Variants in DSG2 observed in about 807,000 individuals in gnomAD.
The protein encoded by DSG2 is desmoglein 2, also known as desmoglein-2.
DSG2 carries 45 observed loss-of-function variants against 75.6 expected under a neutral mutation model. The observed-to-expected ratio is 0.60, with a 90% confidence interval of 0.47 to 0.76. DSG2 has a LOEUF of 0.76. DSG2 is among the 30% of genes least tolerant of loss of function. The pLI is 0.00. For missense variants in DSG2, 1,267 were observed against 1,357.4 expected (o/e 0.93, Z 1.05); for synonymous variants, 429 against 483.9 (o/e 0.89, Z 1.49).
rs375218383 is a variant in DSG2 at position 31,524,443 on chromosome 18, T to A, written c.691-5T>A. ...CCCAGCTGGACATTTTTCATTGCTCTGCAGGAACACAGCAGCTACACTTTG... is the reference window on the plus strand; with the variant it reads ...CCCAGCTGGACATTTTTCATTGCTCAGCAGGAACACAGCAGCTACACTTTG... On this transcript the variant is annotated splice_region_variant and splice_polypyrimidine_tract_variant and intron_variant, in intron 6 of 14. Transcript: ENST00000261590. 2.4e-5 allele frequency: 39 copies of A among 1,614,044 alleles called. No homozygotes were observed. Among genetic ancestry groups the A allele is most frequent in the Non-Finnish European group, 3.3e-5 (39 of 1,180,012 alleles).
chr18:31,508,607 T>G (rs1205183219), intron 1 of DSG2, among the ~76,000 whole-genome samples: 1 of 152,056 alleles, frequency 6.6e-6, no homozygotes, highest in African/African-American at 2.4e-5. Flanking sequence ...TTGGCCAGGT[T>G]AGTCTTGAAC....
intron 9 of DSG2, among the ~76,000 whole-genome samples, chr18:31,534,554 A>G (rs903191444): frequency 1.3e-4 from 16 of 122,714 alleles, no homozygotes; most frequent in African/African-American, 4.7e-4. Context: ...TCTGTCACCC[A>G]GGCTAGAGTG....
chr18:31,523,760 G>A (rs1016846300), intron 6 of DSG2, among the ~76,000 whole-genome samples: 9 of 152,200 alleles, frequency 5.9e-5, no homozygotes, highest in African/African-American at 1.7e-4. Flanking sequence ...TAAAGAACCC[G>A]AAGGTCAAAG....
At chr18:31,530,585 T>C (rs1192732516) in intron 8 of DSG2, among the ~76,000 whole-genome samples, 1 of 152,046 alleles carries the variant, frequency 6.6e-6, no homozygotes, top group Non-Finnish European at 1.5e-5. Flanking sequence ...GCACAGCTAA[T>C]TTTTGTATTT....
Position 31,546,667 on chromosome 18 carries a change from G to A in DSG2, c.3281G>A (p.Gly1094Asp), listed in dbSNP as rs144313973. 3.1e-6 allele frequency: 5 copies of A among 1,614,176 alleles called. No individual in the cohort carries two copies. Among genetic ancestry groups the A allele is most frequent in the Non-Finnish European group, 4.2e-6 (5 of 1,180,036 alleles). Residue 1094 changes from glycine (G) to aspartate (D), a missense_variant, in exon 15 of 15, where the codon GGT becomes GAT. Gly to Asp is a moderately conservative substitution (Grantham distance 94). Transcript: ENST00000261590. The stretch of plus-strand genomic sequence containing the variant: ...CCAGATTTTGGTTTAGAGGAATCTG[G>A]TCATTCTAATTCTACCATAACCACA... ...PLPDFGLEESGHSNSTITTSS... is the reference protein window; with the variant it reads ...PLPDFGLEESDHSNSTITTSS...
Position 31,546,417 on chromosome 18 carries a change from G to A in DSG2, c.3031G>A (p.Val1011Ile). The change falls in exon 15 of 15, where the codon GTA becomes ATA. Residue 1011 changes from valine (V) to isoleucine (I), a missense_variant. Transcript: ENST00000261590. Reference protein sequence around the residue: ...PLEGTQHLQDVPYVMVRERES... With the variant: ...PLEGTQHLQDIPYVMVRERES... ...GGAAGGCACTCAGCATCTTCAAGAT[G>A]TACCTTACGTCATGGTGAGGGAAAG... The A allele has an allele frequency of 6.2e-7, 1 of 1,614,208 alleles. No individual in the cohort carries two copies.
chr18:31,513,191 G>A lies in DSG2; in HGVS notation c.46-5048G>A, dbSNP rs1000360589. Among the ~76,000 whole-genome samples, 12 of 152,326 alleles carry A rather than the reference G, an allele frequency of 7.9e-5. 1 individual carries two copies. In the East Asian group the frequency reaches 2.3e-3, roughly 29 times the overall value. Reference sequence around the variant, plus strand: ...TCAATCGTAAGAAAAAGTTTAGAGAGAGAGTTGGTCCAAATTTGAACGATT... The same window carrying A: ...TCAATCGTAAGAAAAAGTTTAGAGAAAGAGTTGGTCCAAATTTGAACGATT... On this transcript the variant is annotated intron_variant, in intron 1 of 14. Transcript: ENST00000261590.
chr18:31,544,922 C>T (rs1043024838), intron 14 of DSG2, among the ~76,000 whole-genome samples: 1 of 152,138 alleles, frequency 6.6e-6, no homozygotes, highest in African/African-American at 2.4e-5. Flanking sequence ...TTCTGTCCCC[C>T]TCTTCTAAAT....
intron 9 of DSG2, among the ~76,000 whole-genome samples, chr18:31,532,054 G>A (rs756988195): frequency 1.3e-5 from 2 of 152,218 alleles, no homozygotes; most frequent in Admixed American, 6.5e-5. Flanking sequence ...TGCCAGAGCT[G>A]CCTGGTTGCT....
At chr18:31,509,930 T>C (rs889936908) in intron 1 of DSG2, among the ~76,000 whole-genome samples, 14 of 152,246 alleles carry the variant, frequency 9.2e-5, no homozygotes, top group Non-Finnish European at 1.8e-4. Context: ...TTTATTTCTT[T>C]CAGATTATTT....
chr18:31,528,691 CAG>C (rs1193029507), intron 8 of DSG2, among the ~76,000 whole-genome samples: 1 of 133,918 alleles, frequency 7.5e-6, no homozygotes, highest in African/African-American at 2.8e-5. Context: ...GCCTAAGAGA[CAG>C]AGCAAGACTC....
intron 9 of DSG2, 42 bp from the exon 10 acceptor site, chr18:31,535,228 C>T: frequency 7.3e-7 from 1 of 1,365,206 alleles, no homozygotes; most frequent in African/African-American, 1.4e-5. Context: ...GTTTCCAATT[C>T]ATGCAGAATT....
rs140787889 is a variant in DSG2 at position 31,503,857 on chromosome 18, G to A, written c.45+5561G>A. On this transcript the variant is annotated intron_variant, in intron 1 of 14. Coordinates refer to ENST00000261590, the MANE Select transcript of DSG2 (RefSeq NM_001943.5). The stretch of plus-strand genomic sequence containing the variant: ...GTCACAGTGCCTGAGGATGCCCCTG[G>A]TATTTAGTTCCCAAGGTCCAGGGAT... Among the ~76,000 whole-genome samples the A allele has an allele frequency of 2.9e-3, 434 of 152,216 alleles. 1 individual carries two copies. The highest frequency in any genetic ancestry group is 0.01 in the African/African-American group (418 of 41,538).
Position 31,546,690 on chromosome 18 carries a change from A to C in DSG2, c.3304A>C (p.Thr1102Pro), listed in dbSNP as rs778884735. The change falls in exon 15 of 15, where the codon ACA becomes CCA. Residue 1102 changes from threonine to proline, a missense_variant. Coordinates refer to ENST00000261590, the MANE Select transcript of DSG2 (RefSeq NM_001943.5). ...TGGTCATTCTAATTCTACCATAACC[A>C]CATCTTCCACCAGAGTTACCAAGCA... ...ESGHSNSTITTSSTRVTKHST... is the reference protein window; with the variant it reads ...ESGHSNSTITPSSTRVTKHST... 1 of 1,613,992 alleles carries C rather than the reference A, an allele frequency of 6.2e-7. No homozygotes were observed. The highest frequency in any genetic ancestry group is 2.2e-5 in the East Asian group (1 of 44,886).
At position 31,548,318 on chromosome 18, in the gene DSG2, A is replaced by G. The variant is rs1488439549; in HGVS notation, c.*1575A>G. ...ATTTGTATAAATATTTCCCACAACA[A>G]TTTTCATAATTTTCAAAGACTAATT... On this transcript the variant is annotated 3_prime_UTR_variant, in exon 15 of 15. Coordinates refer to ENST00000261590, the MANE Select transcript of DSG2 (RefSeq NM_001943.5). 1 of 152,172 alleles carries G rather than the reference A, an allele frequency of 6.6e-6. No individual in the cohort carries two copies. The highest frequency in any genetic ancestry group is 1.5e-5 in the Non-Finnish European group (1 of 68,018). The allele number at this position is 152,172 out of a possible 1,614,324, so 9.4% of individuals were successfully genotyped here. A position where few individuals can be genotyped will look rare whatever the true frequency, so the allele number is the denominator to read the frequency against.
rs758822081 is a variant in DSG2 at position 31,546,526 on chromosome 18, CAGAA to C, written c.3144_3147del (p.Arg1049PhefsTer2). On this transcript the variant is annotated frameshift_variant, in exon 15 of 15. Transcript: ENST00000261590. LOFTEE classifies it low-confidence loss of function (END_TRUNC). The stretch of plus-strand genomic sequence containing the variant: ...GCAGTAGGACAGAATGTGACAGTGA[CAGAA>C]AGAGTTCTAGCACCTGCTTCCACTC... 1.1e-5 allele frequency: 17 copies of C among 1,614,090 alleles called. No homozygotes were observed. In the Admixed American group the frequency reaches 1.7e-4, roughly 16 times the overall value.
chr18:31,532,807 T>TA (rs761939711), intron 9 of DSG2, among the ~76,000 whole-genome samples: 2 of 152,224 alleles, frequency 1.3e-5, no homozygotes, highest in Non-Finnish European at 2.9e-5. Context: ...CACTGCTGTC[T>TA]ATGGAGAAAC....
chr18:31,513,635 C>T (rs1217639134), intron 1 of DSG2, among the ~76,000 whole-genome samples: 1 of 152,162 alleles, frequency 6.6e-6, no homozygotes, highest in Non-Finnish European at 1.5e-5. Context: ...GTATTACTCT[C>T]CTGTTACAGA....
chr18:31,538,061 G>A (rs565032749), intron 11 of DSG2, among the ~76,000 whole-genome samples: 8 of 152,230 alleles, frequency 5.3e-5, no homozygotes, highest in Middle Eastern at 6.8e-3. Flanking sequence ...GGTGCATGCT[G>A]AAGAATGTCG....
Sources: gnomAD v4.1 joint callset for allele counts (sites outside exome capture counted in the v4.1 genomes callset) on GRCh38, gnomAD v4.1.1 for gene constraint, MANE v1.5 for transcripts, NCBI Gene and HGNC (gene_info 2026-07-23, HGNC 2026-07-21) for gene names.